Variants in SNTG1 observed in about 807,000 individuals in gnomAD.
The protein encoded by SNTG1 is syntrophin gamma 1.
SNTG1 carries 39 observed loss-of-function variants against 74.7 expected under a neutral mutation model. The ratio of observed to expected loss-of-function variants is 0.52; its 90% CI spans 0.40 to 0.68. The LOEUF is 0.68. Among genes scored for constraint, SNTG1 ranks in the 30% least tolerant of loss-of-function variants. SNTG1 has a pLI of 0.00. For synonymous variants in SNTG1, 254 were observed against 217.1 expected (o/e 1.17, Z -1.49); for missense variants, 685 against 609.5 (o/e 1.12, Z -1.30).
intron 15 of SNTG1, among the ~76,000 whole-genome samples, chr8:50,666,223 T>A (rs2095250276): frequency 6.6e-6 from 1 of 152,136 alleles, no homozygotes; most frequent in Non-Finnish European, 1.5e-5. Flanking sequence ...ACATTTCATA[T>A]AAAATGAATG....
intron 1 of SNTG1, among the ~76,000 whole-genome samples, chr8:50,032,020 T>C (rs1817779075): frequency 6.6e-6 from 1 of 152,172 alleles, no homozygotes; most frequent in Non-Finnish European, 1.5e-5. Flanking sequence ...TGAATTTTGT[T>C]AGTGTACTTT....
At chr8:50,374,025 C>A (rs554524070) in intron 2 of SNTG1, among the ~76,000 whole-genome samples, 24 of 151,840 alleles carry the variant, frequency 1.6e-4, no homozygotes, top group South Asian at 6.2e-4. Flanking sequence ...TTTATCTTCC[C>A]CAAAATTCAT....
At chr8:50,695,104 G>T (rs562457020) in intron 15 of SNTG1, among the ~76,000 whole-genome samples, 33 of 151,726 alleles carry the variant, frequency 2.2e-4, no homozygotes, top group African/African-American at 7.7e-4. Context: ...GCAAGAGGAA[G>T]AAATAAATGG....
chr8:50,702,651 C>A (rs1463519260), intron 15 of SNTG1, among the ~76,000 whole-genome samples: 1 of 152,090 alleles, frequency 6.6e-6, no homozygotes, highest in East Asian at 1.9e-4. Context: ...ATAGATATAG[C>A]ATATATACAG....
In SNTG1 at chr8:50,751,987, T is replaced by C; in HGVS notation, c.1285-14T>C. The C allele has an allele frequency of 6.8e-7, 1 of 1,478,102 alleles. No homozygotes were observed. The highest frequency in any genetic ancestry group is 9.0e-7 in the Non-Finnish European group (1 of 1,107,130). The allele number at this position is 1,478,102 out of a possible 1,614,324, so 91.6% of individuals were successfully genotyped here. Reference sequence around the variant, plus strand: ...AATTCCACCGACTTACATTGTTTTTTTTCCCCCCTTTAGGCTGTCCTTTGG... The same window carrying C: ...AATTCCACCGACTTACATTGTTTTTCTTCCCCCCTTTAGGCTGTCCTTTGG... On this transcript the variant is annotated splice_polypyrimidine_tract_variant and intron_variant, in intron 17 of 18. Transcript: ENST00000642720.
intron 15 of SNTG1, among the ~76,000 whole-genome samples, chr8:50,666,086 A>C (rs999001043): frequency 2.0e-5 from 3 of 152,174 alleles, no homozygotes; most frequent in African/African-American, 7.2e-5. Flanking sequence ...GGTACAAATG[A>C]AATCTAACTA....
chr8:50,239,219 G>A, intron 2 of SNTG1, among the ~76,000 whole-genome samples: 1 of 152,152 alleles, frequency 6.6e-6, no homozygotes, highest in East Asian at 1.9e-4. Flanking sequence ...ATTCAGAATA[G>A]CAAAGACAGG....
rs770584563 is a variant in SNTG1, at chr8:50,472,343, G to A, written c.363+21614G>A. Among the ~76,000 whole-genome samples the A allele has an allele frequency of 2.5e-4, 38 of 152,188 alleles. 1 individual carries two copies. Among genetic ancestry groups the A allele is most frequent in the Middle Eastern group, 6.8e-3 (2 of 294 alleles). ...ATGTGGTAGTGATATAAAGACAGGCGCCACATTGTAGATGTGATGAAGAGA... is the reference window on the plus strand; with the variant it reads ...ATGTGGTAGTGATATAAAGACAGGCACCACATTGTAGATGTGATGAAGAGA... On this transcript the variant is annotated intron_variant, in intron 8 of 18. Transcript: ENST00000642720.
chr8:50,346,294 C>A (rs2091474444), intron 2 of SNTG1, among the ~76,000 whole-genome samples: 1 of 152,074 alleles, frequency 6.6e-6, no homozygotes, highest in South Asian at 2.1e-4. Flanking sequence ...ATTATTATAT[C>A]TGTTATGGGG....
At chr8:50,280,151 G>T (rs552969785) in intron 2 of SNTG1, among the ~76,000 whole-genome samples, 22 of 152,294 alleles carry the variant, frequency 1.4e-4, no homozygotes, top group African/African-American at 5.1e-4. Context: ...TGATAGGCGT[G>T]AGCCCTCTCA....
chr8:50,063,641 T>C (rs1196794192), intron 1 of SNTG1, among the ~76,000 whole-genome samples: 2 of 152,170 alleles, frequency 1.3e-5, no homozygotes, highest in Non-Finnish European at 2.9e-5. Flanking sequence ...TCTTTGTAAA[T>C]AGAAATAGTT....
intron 11 of SNTG1, among the ~76,000 whole-genome samples, chr8:50,551,258 A>G (rs2094424391): frequency 6.6e-6 from 1 of 152,172 alleles, no homozygotes; most frequent in African/African-American, 2.4e-5. Context: ...TTCATAAAAG[A>G]GTTTCCATAT....
intron 1 of SNTG1, among the ~76,000 whole-genome samples, chr8:50,099,630 C>A (rs538362111): frequency 6.6e-6 from 1 of 152,216 alleles, no homozygotes; most frequent in Admixed American, 6.5e-5. Flanking sequence ...AGTTCCCATT[C>A]TCCACATTCT....
At chr8:50,254,595 C>G (rs2086790324) in intron 2 of SNTG1, among the ~76,000 whole-genome samples, 1 of 152,024 alleles carries the variant, frequency 6.6e-6, no homozygotes, top group African/African-American at 2.4e-5. Flanking sequence ...CACGTGAATC[C>G]CAGCACTTTG....
chr8:49,988,124 C>A (rs1813345922), intron 1 of SNTG1, among the ~76,000 whole-genome samples: 1 of 151,938 alleles, frequency 6.6e-6, no homozygotes, highest in Admixed American at 6.6e-5. Flanking sequence ...AAAAGAGACT[C>A]CAGAGAAATA....
chr8:50,241,814 T>C (rs1335003467), intron 2 of SNTG1, among the ~76,000 whole-genome samples: 2 of 152,154 alleles, frequency 1.3e-5, no homozygotes, highest in Non-Finnish European at 2.9e-5. Context: ...TAATTCCTCT[T>C]CTCAGCTCGG....
intron 12 of SNTG1, chr8:50,568,832 A>G (rs1334529815): frequency 6.6e-6 from 1 of 152,124 alleles, no homozygotes; most frequent in East Asian, 1.9e-4. Flanking sequence ...AATTCCATTC[A>G]TCGCTCCATC....
At chr8:50,377,937 T>G (rs559183661) in intron 2 of SNTG1, among the ~76,000 whole-genome samples, 1 of 152,332 alleles carries the variant, frequency 6.6e-6, no homozygotes, top group South Asian at 2.1e-4. Flanking sequence ...AATAATGCTA[T>G]GGGATGCTTG....
At chr8:50,669,993 G>A (rs201861094) in intron 15 of SNTG1, among the ~76,000 whole-genome samples, 159 of 151,606 alleles carry the variant, frequency 1.0e-3, no homozygotes, top group African/African-American at 3.6e-3. Flanking sequence ...ATTCAACAAC[G>A]TTTCATGCTA....
Sources: gnomAD v4.1 joint callset for allele counts (sites outside exome capture counted in the v4.1 genomes callset) on GRCh38, gnomAD v4.1.1 for gene constraint, MANE v1.5 for transcripts, NCBI Gene and HGNC (gene_info 2026-07-23, HGNC 2026-07-21) for gene names.